The following PKD1L1 variants were observed in gnomAD, a reference collection of about 807,000 sequenced individuals.
PKD1L1 encodes the protein polycystin 1 like 1, transient receptor potential channel interacting.
PKD1L1 carries 236 observed loss-of-function variants against 323.4 expected under a neutral mutation model. The observed-to-expected ratio is 0.73, with a 90% CI of 0.66 to 0.81. The LOEUF is 0.81. PKD1L1 is among the 40% of genes least tolerant of loss of function. The pLI is 0.00. For missense variants in PKD1L1, 3,320 were observed against 3,508.0 expected (o/e 0.95, Z 1.35); for synonymous variants, 1,344 against 1,335.0 (o/e 1.01, Z -0.15).
In PKD1L1 at chr7:47,822,594, CAAA is replaced by C. The variant is rs745820560; in HGVS notation, c.6855-1411_6855-1409del. 6.0e-3 allele frequency among the ~76,000 whole-genome samples: 429 copies of C among 71,446 alleles called. 1 individual carries two copies. The highest frequency in any genetic ancestry group is 0.023 in the African/African-American group (384 of 17,044). 46.9% of individuals were successfully genotyped at this position (71,446 alleles called of 152,430 possible). ...TGGGTGACAAAGTGAGACTCCGTCT[CAAA>C]AAAAAAAAAAAAAAAAAAAAAACAG... On this transcript the variant is annotated intron_variant, in intron 45 of 56. Transcript: ENST00000289672.
chr7:47,959,091 C>T, the PKD1L1 span, among the ~76,000 whole-genome samples: 6 of 152,250 alleles, frequency 3.9e-5, no homozygotes, highest in African/African-American at 1.4e-4. Flanking sequence ...CCCGAGGTGC[C>T]GGGATTGCAG....
intron 27 of PKD1L1, among the ~76,000 whole-genome samples, chr7:47,858,411 C>G (rs1785950668): frequency 6.6e-6 from 1 of 151,910 alleles, no homozygotes; most frequent in Non-Finnish European, 1.5e-5. Context: ...TCAAACATCC[C>G]AAATATCCCA....
chr7:47,901,806 T>C (rs1351587352), intron 13 of PKD1L1, among the ~76,000 whole-genome samples: 1 of 152,210 alleles, frequency 6.6e-6, no homozygotes, highest in African/African-American at 2.4e-5. Flanking sequence ...TTAATTCCCA[T>C]GTGTCATTTG....
At chr7:47,925,461 A>G (rs1787638604) in intron 7 of PKD1L1, among the ~76,000 whole-genome samples, 1 of 152,240 alleles carries the variant, frequency 6.6e-6, no homozygotes, top group Non-Finnish European at 1.5e-5. Flanking sequence ...TCGTAAATAT[A>G]AAGACTCTAC....
At chr7:47,880,870 A>C (rs971634795) in intron 20 of PKD1L1, 65 bp from the exon 21 acceptor site, 9 of 1,331,458 alleles carry the variant, frequency 6.8e-6, no homozygotes, top group African/African-American at 1.5e-5. Flanking sequence ...GGTCACACAG[A>C]GTCCTTGGAA....
chr7:47,782,365 G>T (rs554307676), intron 56 of PKD1L1, among the ~76,000 whole-genome samples: 1 of 152,312 alleles, frequency 6.6e-6, no homozygotes, highest in East Asian at 1.9e-4. Flanking sequence ...AGTAGAGACT[G>T]CAAGGAGGCC....
the PKD1L1 span, among the ~76,000 whole-genome samples, chr7:47,960,031 A>G: frequency 6.6e-6 from 1 of 152,144 alleles, no homozygotes; most frequent in African/African-American, 2.4e-5. Context: ...ACTAAGAAAA[A>G]TTATTCTGCC....
intron 52 of PKD1L1, 93 bp from the exon 53 acceptor site, chr7:47,803,437 T>C (rs747394094): frequency 3.2e-4 from 457 of 1,439,424 alleles, no homozygotes; most frequent in Non-Finnish European, 4.0e-4. Context: ...AAAGAGTTCA[T>C]TGGATTTGAT....
rs1396008205 is a variant in PKD1L1 at position 47,839,477 on chromosome 7, G to A, written c.5738C>T (p.Thr1913Ile). ...RHDGRVEREL[T>I]CLQGGLGFRK... ...GAAGCCGAGTCCCCCTTGCAGACAGGTGAGCTCCCGCTCCACGCGACCATC... is the reference window on the plus strand; with the variant it reads ...GAAGCCGAGTCCCCCTTGCAGACAGATGAGCTCCCGCTCCACGCGACCATC... The change falls in exon 36 of 57, where the codon ACC (threonine) becomes ATC (isoleucine). Residue 1913 changes from threonine to isoleucine, a missense_variant. By Grantham distance (89) the Thr-to-Ile change is moderately conservative. Coordinates refer to ENST00000289672, the MANE Select transcript of PKD1L1 (RefSeq NM_138295.5). The surrounding 1 kb of genome is among the most constrained non-coding windows in gnomAD (Gnocchi z 4.3). 4.3e-6 allele frequency: 7 copies of A among 1,612,166 alleles called. No homozygotes were observed. The highest frequency in any genetic ancestry group is 5.9e-6 in the Non-Finnish European group (7 of 1,179,582).
At chr7:47,821,038 A>G (rs1478910334) in intron 46 of PKD1L1, 38 bp downstream of exon 46, 20 of 1,283,674 alleles carry the variant, frequency 1.6e-5, no homozygotes, top group Non-Finnish European at 2.2e-5. Context: ...GAATAGTGCA[A>G]TGGCCCCAGA....
chr7:47,936,623 C>T (rs1279473617), intron 4 of PKD1L1, among the ~76,000 whole-genome samples: 2 of 152,180 alleles, frequency 1.3e-5, no homozygotes, highest in Non-Finnish European at 2.9e-5. Flanking sequence ...TCACCTTCTA[C>T]GGCTCCCAGC....
At position 47,855,268 on chromosome 7, in the gene PKD1L1, T is replaced by C. The variant is rs1332840182; in HGVS notation, c.4591-3A>G. On this transcript the variant is annotated splice_region_variant and splice_polypyrimidine_tract_variant and intron_variant, in intron 28 of 56. Coordinates refer to ENST00000289672, the MANE Select transcript of PKD1L1 (RefSeq NM_138295.5). ...TTGAGGCCCACAACTCCACCAATCT[T>C]GGGGAACAAAGACCATCTCAGAGCA... The C allele has an allele frequency of 2.5e-6, 4 of 1,610,022 alleles. No homozygotes were observed. Among genetic ancestry groups the C allele is most frequent in the South Asian group, 1.1e-5 (1 of 90,738 alleles).
intron 4 of PKD1L1, among the ~76,000 whole-genome samples, chr7:47,935,908 T>A (rs912898767): frequency 6.6e-6 from 1 of 152,184 alleles, no homozygotes; most frequent in African/African-American, 2.4e-5. Context: ...AACAATAACA[T>A]GAAAGGAAAA....
intron 52 of PKD1L1, among the ~76,000 whole-genome samples, chr7:47,806,875 T>C (rs1784790275): frequency 6.6e-6 from 1 of 152,142 alleles, no homozygotes; most frequent in Non-Finnish European, 1.5e-5. Context: ...TCTAACACTT[T>C]AGCACAGCAT....
At chr7:47,916,681 C>A (rs2128752936) in intron 7 of PKD1L1, among the ~76,000 whole-genome samples, 1 of 152,298 alleles carries the variant, frequency 6.6e-6, no homozygotes, top group African/African-American at 2.4e-5. Context: ...CAGTACCAGC[C>A]TGGAATCTGG....
intron 7 of PKD1L1, among the ~76,000 whole-genome samples, chr7:47,922,192 A>G (rs1003762864): frequency 2.0e-5 from 3 of 152,214 alleles, no homozygotes; most frequent in African/African-American, 7.2e-5. Context: ...GGGATTGCAG[A>G]CAGAGTCTAG....
At chr7:47,931,838 T>C (rs1787776161) in intron 5 of PKD1L1, 98 bp downstream of exon 5, 2 of 1,440,044 alleles carry the variant, frequency 1.4e-6, no homozygotes, top group South Asian at 1.4e-5. Context: ...ACTGACAAAC[T>C]CTGAGGCCGC....
intron 52 of PKD1L1, 108 bp downstream of exon 52, chr7:47,808,139 C>G: frequency 2.2e-6 from 3 of 1,384,890 alleles, no homozygotes; most frequent in Non-Finnish European, 3.0e-6. Flanking sequence ...CTCTCGATAT[C>G]AAACAAATCT....
intron 2 of PKD1L1, among the ~76,000 whole-genome samples, chr7:47,942,729 T>A (rs575525653): frequency 6.6e-6 from 1 of 152,142 alleles, no homozygotes; most frequent in East Asian, 1.9e-4. Flanking sequence ...ATTCCCTTCA[T>A]TGGGCTCTGG....
Sources: gnomAD v4.1 joint callset for allele counts (sites outside exome capture counted in the v4.1 genomes callset) on GRCh38, gnomAD v4.1.1 for gene constraint, Gnocchi (gnomAD v3.1) non-coding constraint, MANE v1.5 for transcripts, NCBI Gene and HGNC (gene_info 2026-07-23, HGNC 2026-07-21) for gene names.